The following EIF4G3 variants were observed in gnomAD, a reference collection of about 807,000 sequenced individuals.
EIF4G3 encodes the protein eukaryotic translation initiation factor 4 gamma 3.
EIF4G3 carries 34 observed loss-of-function variants against 186.4 expected under a neutral mutation model. The ratio of observed to expected loss-of-function variants is 0.18; its 90% CI spans 0.14 to 0.24. The LOEUF (loss-of-function observed/expected upper bound fraction) is 0.24, where lower values mean the gene tolerates loss of function less well. Ranked by LOEUF, EIF4G3 falls within the 10% of genes least tolerant of loss-of-function variation. The pLI, the probability that EIF4G3 is intolerant of heterozygous loss-of-function variation, is 1.00. For missense variants in EIF4G3, 1,536 were observed against 1,948.5 expected (o/e 0.79, Z 3.99); for synonymous variants, 673 against 679.5 (o/e 0.99, Z 0.15).
rs1472695802 is a variant in EIF4G3 at position 20,941,692 on chromosome 1, C to CAAT, written c.1459_1461dup (p.Ile487dup). 1.2e-6 allele frequency: 2 copies of CAAT among 1,612,902 alleles called. No homozygotes were observed. The highest frequency in any genetic ancestry group is 4.5e-5 in the East Asian group (2 of 44,884). On this transcript the variant is annotated inframe_insertion, in exon 14 of 37. Transcript: ENST00000602326. The stretch of plus-strand genomic sequence containing the variant: ...CTAACAGTAGTGGCAGCAGCAGGAA[C>CAAT]AATGACTGGAGTGTGAGGAGGAGAA...
At chr1:21,011,968 T>C (rs1245430253) in intron 4 of EIF4G3, among the ~76,000 whole-genome samples, 1 of 152,188 alleles carries the variant, frequency 6.6e-6, no homozygotes, top group Admixed American at 6.5e-5. Flanking sequence ...CACATGGGTA[T>C]GTGGCAGACA....
intron 22 of EIF4G3, among the ~76,000 whole-genome samples, chr1:20,864,270 T>C (rs2077083093): frequency 6.6e-6 from 1 of 152,208 alleles, no homozygotes; most frequent in Non-Finnish European, 1.5e-5. Context: ...AACTGGCTTT[T>C]ACACAATTTG....
At chr1:20,906,268 A>G (rs1237496306) in intron 14 of EIF4G3, among the ~76,000 whole-genome samples, 1 of 152,164 alleles carries the variant, frequency 6.6e-6, no homozygotes, top group Non-Finnish European at 1.5e-5. Flanking sequence ...TACTGAATAC[A>G]TATATTCAGC....
At chr1:20,840,343 C>A (rs2068151730) in intron 30 of EIF4G3, among the ~76,000 whole-genome samples, 1 of 152,202 alleles carries the variant, frequency 6.6e-6, no homozygotes, top group Non-Finnish European at 1.5e-5. Context: ...CATAATGAAA[C>A]CAACCTGAAA....
At chr1:20,940,706 C>T (rs909696602) in intron 14 of EIF4G3, among the ~76,000 whole-genome samples, 4 of 152,182 alleles carry the variant, frequency 2.6e-5, no homozygotes, top group Non-Finnish European at 5.9e-5. Context: ...ATAGGCTGTG[C>T]TGAATTGTTC....
chr1:20,952,148 T>C lies in EIF4G3; in HGVS notation c.715-2037A>G, dbSNP rs138411473. On this transcript the variant is annotated intron_variant, in intron 12 of 36. Transcript: ENST00000602326. ...AAATCATAACGTATTAACATATAAT[T>C]CAACACTTTTTTTTTTTTTTTTTTT... Among the ~76,000 whole-genome samples, 1,018 of 133,078 alleles carry C rather than the reference T, an allele frequency of 7.6e-3. 10 individuals carry two copies. Among genetic ancestry groups the C allele is most frequent in the African/African-American group, 0.026 (975 of 37,430 alleles). The allele number at this position is 133,078 out of a possible 152,430, so 87.3% of individuals were successfully genotyped here.
chr1:21,152,353 G>T (rs199599402), intron 2 of EIF4G3, among the ~76,000 whole-genome samples: 1 of 39,632 alleles, frequency 2.5e-5, no homozygotes, highest in African/African-American at 7.5e-5. Flanking sequence ...AAAAAAAAAA[G>T]CAAATAAAAT....
At chr1:21,057,183 T>C (rs1238911423) in intron 3 of EIF4G3, among the ~76,000 whole-genome samples, 1 of 152,142 alleles carries the variant, frequency 6.6e-6, no homozygotes, top group East Asian at 1.9e-4. Flanking sequence ...TTGAAAACAA[T>C]GAAAACGTGC....
At chr1:20,893,006 C>A in intron 18 of EIF4G3, 1 of 330,700 alleles carries the variant, frequency 3.0e-6, no homozygotes, top group Non-Finnish European at 5.5e-6. Context: ...CTCCTGGGGT[C>A]AAGTAATTCT....
chr1:21,173,612 C>T (rs1285008378), intron 2 of EIF4G3, among the ~76,000 whole-genome samples: 1 of 152,114 alleles, frequency 6.6e-6, no homozygotes. Flanking sequence ...GGCTGGAATC[C>T]AGCCGGCGTA....
At chr1:20,922,656 A>G (rs1368964729) in intron 14 of EIF4G3, among the ~76,000 whole-genome samples, 1 of 152,242 alleles carries the variant, frequency 6.6e-6, no homozygotes, top group African/African-American at 2.4e-5. Flanking sequence ...CAGCAAAGTT[A>G]GAAATCTGGC....
chr1:20,846,654 G>T (rs1354134771), intron 29 of EIF4G3, among the ~76,000 whole-genome samples: 6 of 152,134 alleles, frequency 3.9e-5, no homozygotes, highest in Admixed American at 3.9e-4. Flanking sequence ...AGATTTTGTT[G>T]TTCACTACAA....
Position 20,825,083 on chromosome 1 carries a change from A to G in EIF4G3, c.4368+17T>C. 6.4e-7 allele frequency: 1 copy of G among 1,552,666 alleles called. No homozygotes were observed. Among genetic ancestry groups the G allele is most frequent in the Non-Finnish European group, 8.8e-7 (1 of 1,133,522 alleles). On this transcript the variant is annotated intron_variant, in intron 33 of 36. Transcript: ENST00000602326. Reference sequence around the variant, plus strand: ...ATCAACTACTATCAAACAGCAAAACATAAGCCTTGTTCTTACCTGCTCCAA... The same window carrying G: ...ATCAACTACTATCAAACAGCAAAACGTAAGCCTTGTTCTTACCTGCTCCAA...
chr1:21,005,087 A>G (rs1034646251), intron 4 of EIF4G3, among the ~76,000 whole-genome samples: 1 of 152,184 alleles, frequency 6.6e-6, no homozygotes, highest in African/African-American at 2.4e-5. Flanking sequence ...TTTCAGACAC[A>G]ACGTTTATGT....
intron 14 of EIF4G3, among the ~76,000 whole-genome samples, chr1:20,920,744 GT>G (rs982199188): frequency 3.3e-5 from 5 of 151,574 alleles, no homozygotes; most frequent in African/African-American, 4.9e-5. Flanking sequence ...GAGAGCTTGG[GT>G]TTTTTTTCCC....
intron 2 of EIF4G3, among the ~76,000 whole-genome samples, chr1:21,143,120 G>A (rs1251858590): frequency 6.6e-6 from 1 of 151,864 alleles, no homozygotes; most frequent in Non-Finnish European, 1.5e-5. Flanking sequence ...GTGGTGGTGG[G>A]TGCCTGTAAT....
At chr1:21,118,492 T>C (rs1278807625) in intron 2 of EIF4G3, among the ~76,000 whole-genome samples, 15 of 152,008 alleles carry the variant, frequency 9.9e-5, no homozygotes, top group Admixed American at 9.8e-4. Context: ...TAAGATTAGA[T>C]ATAGAAATGT....
intron 4 of EIF4G3, among the ~76,000 whole-genome samples, chr1:21,038,524 C>T (rs2093372650): frequency 6.6e-6 from 1 of 152,190 alleles, no homozygotes; most frequent in Admixed American, 6.5e-5. Flanking sequence ...GTTTCTTCTT[C>T]TACATCTCAG....
intron 2 of EIF4G3, among the ~76,000 whole-genome samples, chr1:21,149,391 G>C (rs6665549): frequency 0.33 from 50,725 of 151,774 alleles, 9,211 homozygotes; most frequent in Non-Finnish European, 0.41. Flanking sequence ...CTTTTCTAGA[G>C]AAGGGGGGCT....
Sources: gnomAD v4.1 joint callset for allele counts (sites outside exome capture counted in the v4.1 genomes callset) on GRCh38, gnomAD v4.1.1 for gene constraint, MANE v1.5 for transcripts, NCBI Gene and HGNC (gene_info 2026-07-23, HGNC 2026-07-21) for gene names.